Variants in ABL1 observed in about 807,000 individuals in gnomAD.
The protein encoded by ABL1 is ABL proto-oncogene 1, non-receptor tyrosine kinase.
In ABL1, 11 loss-of-function variants were observed where a neutral mutation model predicts 94.7. The observed-to-expected ratio is 0.12, with a 90% confidence interval of 0.07 to 0.19. The LOEUF (loss-of-function observed/expected upper bound fraction) is 0.19. Among genes scored for constraint, ABL1 ranks in the 10% least tolerant of loss-of-function variants. The pLI, the probability that ABL1 is intolerant of heterozygous loss-of-function variation, is 1.00. For missense variants in ABL1, 1,082 were observed against 1,489.4 expected, an observed-to-expected ratio of 0.73 and a Z score of 4.50; for synonymous variants, 656 against 622.4, an observed-to-expected ratio of 1.05 and a Z score of -0.80.
At chr9:130,742,432 G>A (rs777400721) in intron 1 of ABL1, among the ~76,000 whole-genome samples, 3 of 152,064 alleles carry the variant, frequency 2.0e-5, no homozygotes, top group Non-Finnish European at 4.4e-5. Flanking sequence ...AAAACTGGAG[G>A]CCATTACTAG....
At chr9:130,771,240 G>GTGTATGTA (rs60782706) in intron 1 of ABL1, among the ~76,000 whole-genome samples, 76 of 151,806 alleles carry the variant, frequency 5.0e-4, no homozygotes, top group African/African-American at 8.7e-4. Flanking sequence ...ATGTGTGTGT[G>GTGTATGTA]TGTATGTATG....
intron 1 of ABL1, among the ~76,000 whole-genome samples, chr9:130,771,910 C>T (rs557199045): frequency 2.3e-4 from 35 of 152,050 alleles, no homozygotes; most frequent in Non-Finnish European, 4.7e-4. Context: ...CGTGCCACCA[C>T]GCCCAGCTAA....
At chr9:130,839,105 G>A (rs193012901) in intron 1 of ABL1, among the ~76,000 whole-genome samples, 1 of 151,282 alleles carries the variant, frequency 6.6e-6, no homozygotes, top group African/African-American at 2.4e-5. Flanking sequence ...TAGAGACAGG[G>A]TCTCACTATT....
At position 130,873,043 on chromosome 9, in the gene ABL1, G is replaced by A. The variant is rs1040117079; in HGVS notation, c.1085+6G>A. 6.2e-7 allele frequency: 1 copy of A among 1,611,042 alleles called. No individual in the cohort carries two copies. Among genetic ancestry groups the A allele is most frequent in the Non-Finnish European group, 8.5e-7 (1 of 1,178,158 alleles). ...AAGAAAAACTTCATCCACAGGTAGG[G>A]GCCTGGCCAGGCAGCCTGCGCCATG... is the stretch of plus-strand genomic sequence containing the variant. On this transcript the variant is annotated splice_donor_region_variant and intron_variant, in intron 6 of 10. Coordinates refer to ENST00000318560, the MANE Select transcript of ABL1 (RefSeq NM_005157.6).
At chr9:130,839,298 G>A in intron 1 of ABL1, among the ~76,000 whole-genome samples, 1 of 152,128 alleles carries the variant, frequency 6.6e-6, no homozygotes, top group East Asian at 1.9e-4. Context: ...TCCAGCGGAT[G>A]CTTCATGTGG....
At chr9:130,728,612 A>G (rs986976209) in intron 1 of ABL1, among the ~76,000 whole-genome samples, 2 of 150,710 alleles carry the variant, frequency 1.3e-5, no homozygotes, top group Non-Finnish European at 2.9e-5. Flanking sequence ...GGATGGTCTC[A>G]ATCTCCTGAC....
In ABL1 at chr9:130,885,320, G is replaced by C. The variant is rs750137749; in HGVS notation, c.3030G>C (p.Val1010=). ...TAFIPLISTR[V]SLRKTRQPPE... ...TCATCCCTCTCATATCAACCCGAGT[G>C]TCTCTTCGGAAAACCCGCCAGCCTC... The change falls in exon 11 of 11, where the codon GTG becomes GTC. Residue 1010 remains valine (V), a synonymous_variant. Coordinates refer to ENST00000318560, the MANE Select transcript of ABL1 (RefSeq NM_005157.6). 1.2e-6 allele frequency: 2 copies of C among 1,613,518 alleles called. No individual in the cohort carries two copies. Among genetic ancestry groups the C allele is most frequent in the Admixed American group, 1.7e-5 (1 of 60,012 alleles).
chr9:130,788,255 T>C (rs774439824), intron 1 of ABL1, among the ~76,000 whole-genome samples: 1 of 152,248 alleles, frequency 6.6e-6, no homozygotes, highest in Non-Finnish European at 1.5e-5. Context: ...GTACAGAGAA[T>C]TCCTACATGT....
intron 1 of ABL1, among the ~76,000 whole-genome samples, chr9:130,778,579 G>T (rs917499635): frequency 6.6e-6 from 1 of 151,862 alleles, no homozygotes. Flanking sequence ...TCATGTTTGG[G>T]GCTCTTCTGG....
chr9:130,801,985 T>C (rs1318256158), intron 1 of ABL1, among the ~76,000 whole-genome samples: 3 of 152,124 alleles, frequency 2.0e-5, no homozygotes, highest in Admixed American at 1.3e-4. Flanking sequence ...TCTTCTAAAT[T>C]TTTTCTACCC....
Position 130,880,412 on chromosome 9 carries a change from C to G in ABL1, c.1514-88C>G. ...AGTTGTATGCAGATGAGCACTGTTA[C>G]CTTACAAAGAAAGAGAACCACCACA... On this transcript the variant is annotated intron_variant, in intron 9 of 10. Coordinates refer to ENST00000318560, the MANE Select transcript of ABL1 (RefSeq NM_005157.6). The surrounding 1 kb of genome is among the most constrained non-coding windows in gnomAD (Gnocchi z 4.4). 1.3e-6 allele frequency: 2 copies of G among 1,488,834 alleles called. No individual in the cohort carries two copies. The highest frequency in any genetic ancestry group is 1.8e-6 in the Non-Finnish European group (2 of 1,087,662). 92.2% of individuals were successfully genotyped at this position (1,488,834 alleles called of 1,614,324 possible).
intron 1 of ABL1, among the ~76,000 whole-genome samples, chr9:130,779,434 A>G (rs1208779275): frequency 6.6e-6 from 1 of 152,158 alleles, no homozygotes; most frequent in Non-Finnish European, 1.5e-5. Flanking sequence ...TTTTTATTTG[A>G]CATTAGGGCT....
At chr9:130,719,822 G>A (rs1038483221) in intron 1 of ABL1, among the ~76,000 whole-genome samples, 1 of 152,210 alleles carries the variant, frequency 6.6e-6, no homozygotes, top group African/African-American at 2.4e-5. Context: ...GGATCTGGAA[G>A]CCAAGAATAG....
rs182050717 is a variant in ABL1, at chr9:130,752,502, T to C, written c.136+38047T>C. On this transcript the variant is annotated intron_variant, in intron 1 of 10. Transcript: ENST00000372348. Reference sequence around the variant, plus strand: ...CTATGAGGGTGAAGTATAGAATGCCTCTATGGTGAATGCCTGGTATAGTGC... The same window carrying C: ...CTATGAGGGTGAAGTATAGAATGCCCCTATGGTGAATGCCTGGTATAGTGC... Among the ~76,000 whole-genome samples the C allele has an allele frequency of 8.0e-3, 1,219 of 152,262 alleles. 15 individuals are homozygous for C. Among genetic ancestry groups the C allele is most frequent in the African/African-American group, 0.027 (1,137 of 41,542 alleles).
At chr9:130,731,742 A>G (rs183467357) in intron 1 of ABL1, among the ~76,000 whole-genome samples, 12 of 152,114 alleles carry the variant, frequency 7.9e-5, no homozygotes, top group Admixed American at 2.6e-4. Flanking sequence ...GCTCCTTTGT[A>G]TTTCCATATA....
At chr9:130,796,818 G>C (rs1270072283) in intron 1 of ABL1, among the ~76,000 whole-genome samples, 2 of 150,832 alleles carry the variant, frequency 1.3e-5, no homozygotes, top group African/African-American at 4.9e-5. Flanking sequence ...TACTCAGGAG[G>C]CTGCGGCAGG....
chr9:130,717,062 C>T (rs189400204), intron 1 of ABL1, among the ~76,000 whole-genome samples: 23 of 152,020 alleles, frequency 1.5e-4, no homozygotes, highest in Admixed American at 7.9e-4. Flanking sequence ...TTCGTTTTTG[C>T]GACAGAGTCT....
chr9:130,754,681 G>GA (rs1832020530), intron 1 of ABL1, among the ~76,000 whole-genome samples: 1 of 105,074 alleles, frequency 9.5e-6, no homozygotes, highest in Admixed American at 9.9e-5. Context: ...TAATGGGGGG[G>GA]GCTTGGAAGC....
chr9:130,816,437 G>A (rs35686972), intron 1 of ABL1, among the ~76,000 whole-genome samples: 3,004 of 150,854 alleles, frequency 0.02, 40 homozygotes, highest in Non-Finnish European at 0.029. Context: ...GCTTCCCAAA[G>A]TGCTGGGATT....
Sources: gnomAD v4.1 joint callset for allele counts (sites outside exome capture counted in the v4.1 genomes callset) on GRCh38, gnomAD v4.1.1 for gene constraint, Gnocchi (gnomAD v3.1) non-coding constraint, MANE v1.5 for transcripts, NCBI Gene and HGNC (gene_info 2026-07-23, HGNC 2026-07-21) for gene names.